Variants in OR51B5 observed in about 807,000 individuals in gnomAD.
OR51B5 encodes olfactory receptor 51B5.
For missense variants in OR51B5, 456 were observed against 374.6 expected, an observed-to-expected ratio of 1.22 and a Z score of -1.79; for synonymous variants, 186 against 144.8, an observed-to-expected ratio of 1.28 and a Z score of -2.04.
intron 1 of OR51B5, among the ~76,000 whole-genome samples, chr11:5,452,458 T>C (rs1468824755): frequency 4.7e-5 from 6 of 128,730 alleles, no homozygotes; most frequent in African/African-American, 1.2e-4. Flanking sequence ...TGAGCCGAGA[T>C]TGCACCACTG....
chr11:5,431,087 T>C (rs762009427), intron 1 of OR51B5: 4 of 439,692 alleles, frequency 9.1e-6, no homozygotes, highest in East Asian at 1.4e-4. Flanking sequence ...AGGACATTAG[T>C]GTGGCAATAG....
chr11:5,441,944 C>T (rs1850695382), intron 1 of OR51B5, among the ~76,000 whole-genome samples: 1 of 152,182 alleles, frequency 6.6e-6, no homozygotes, highest in African/African-American at 2.4e-5. Flanking sequence ...CTCCCAATCC[C>T]AATGGCTGCC....
intron 1 of OR51B5, among the ~76,000 whole-genome samples, chr11:5,353,283 CAG>C (rs1420344844): frequency 2.0e-5 from 3 of 152,014 alleles, no homozygotes; most frequent in South Asian, 2.1e-4. Flanking sequence ...AATTTGAAAA[CAG>C]AGATATAATT....
chr11:5,472,050 T>A (rs370307060), intron 1 of OR51B5, among the ~76,000 whole-genome samples: 1 of 152,126 alleles, frequency 6.6e-6, no homozygotes, highest in Admixed American at 6.6e-5. Context: ...TTATCCACCA[T>A]CTATGAGAAT....
intron 1 of OR51B5, among the ~76,000 whole-genome samples, chr11:5,465,365 C>A (rs539366831): frequency 1.2e-3 from 178 of 151,944 alleles, no homozygotes; most frequent in African/African-American, 4.1e-3. Context: ...TGATGGTGAG[C>A]ATTTTTTCAT....
At chr11:5,415,723 C>A (rs1850233329) in intron 1 of OR51B5, among the ~76,000 whole-genome samples, 1 of 151,892 alleles carries the variant, frequency 6.6e-6, no homozygotes, top group African/African-American at 2.4e-5. Context: ...AAGACTAAAC[C>A]AGGAAGAAGT....
At chr11:5,449,993 C>G (rs1332190801) in intron 1 of OR51B5, among the ~76,000 whole-genome samples, 1 of 152,144 alleles carries the variant, frequency 6.6e-6, no homozygotes, top group African/African-American at 2.4e-5. Context: ...GCCCCCATAA[C>G]AGCACCATAG....
At chr11:5,470,788 C>T (rs1851216982) in intron 1 of OR51B5, among the ~76,000 whole-genome samples, 2 of 152,186 alleles carry the variant, frequency 1.3e-5, no homozygotes, top group Admixed American at 6.5e-5. Flanking sequence ...CTCTCTCCAT[C>T]TCACTTCCAA....
At chr11:5,345,777 C>A (rs1035803518), upstream of OR51B5, 1 of 151,966 alleles carries the variant, frequency 6.6e-6, no homozygotes, top group African/African-American at 2.4e-5. Context: ...TCTTACCTTC[C>A]ACCCATAGAG....
chr11:5,464,062 G>A (rs1039215), intron 1 of OR51B5, among the ~76,000 whole-genome samples: 151,187 of 152,330 alleles, frequency 0.99, 75,033 homozygotes, highest in Middle Eastern at 1. Flanking sequence ...TTTTATGATG[G>A]AAAACAGACA....
chr11:5,408,894 A>T (rs1850101571), intron 1 of OR51B5, among the ~76,000 whole-genome samples: 1 of 152,116 alleles, frequency 6.6e-6, no homozygotes, highest in Admixed American at 6.6e-5. Context: ...CCTTCCTCAA[A>T]ATCACCAAAA....
chr11:5,449,522 G>A (rs553593114), intron 1 of OR51B5, among the ~76,000 whole-genome samples: 1 of 152,320 alleles, frequency 6.6e-6, no homozygotes, highest in East Asian at 1.9e-4. Flanking sequence ...AAAGGAGCAG[G>A]AAAGATCTCT....
chr11:5,494,100 T>A (rs1167521879), intron 1 of OR51B5, among the ~76,000 whole-genome samples: 1 of 152,182 alleles, frequency 6.6e-6, no homozygotes, highest in Non-Finnish European at 1.5e-5. Flanking sequence ...CATACAAGTA[T>A]TGCTAGCAAA....
chr11:5,383,571 C>G (rs1212064726), intron 1 of OR51B5, among the ~76,000 whole-genome samples: 1 of 152,158 alleles, frequency 6.6e-6, no homozygotes, highest in African/African-American at 2.4e-5. Context: ...GAATTGACTT[C>G]TTTATGAAAT....
intron 1 of OR51B5, among the ~76,000 whole-genome samples, chr11:5,413,845 T>C (rs1184640781): frequency 1.3e-5 from 2 of 151,608 alleles, no homozygotes; most frequent in East Asian, 1.9e-4. Context: ...TGCAACCAAG[T>C]TGGAAAACAC....
chr11:5,342,862 C>CT lies in OR51B5; in HGVS notation c.662dup (p.Thr222AspfsTer70). On this transcript the variant is annotated frameshift_variant, in exon 1 of 1. Transcript: ENST00000300773. LOFTEE classifies it low-confidence loss of function (END_TRUNC). ...CTCTGGAGGCAATGCTCAGGACAGT[C>CT]TTGAGTATCAACACATAGGAGATGA... is the stretch of plus-strand genomic sequence containing the variant. The CT allele has an allele frequency of 6.2e-7, 1 of 1,612,516 alleles. No homozygotes were observed. The highest frequency in any genetic ancestry group is 8.5e-7 in the Non-Finnish European group (1 of 1,178,636).
chr11:5,470,668 C>T (rs140671668), intron 1 of OR51B5, among the ~76,000 whole-genome samples: 67 of 152,280 alleles, frequency 4.4e-4, no homozygotes, highest in Non-Finnish European at 7.5e-4. Context: ...ATCTCATCAC[C>T]AGTCACCATC....
chr11:5,410,679 A>C (rs1374675757), intron 1 of OR51B5, among the ~76,000 whole-genome samples: 1 of 152,162 alleles, frequency 6.6e-6, no homozygotes, highest in Non-Finnish European at 1.5e-5. Context: ...ATAAGGCATC[A>C]TTATCCTAGG....
chr11:5,503,364 AT>A (rs1374053864), intron 1 of OR51B5, among the ~76,000 whole-genome samples: 8 of 152,358 alleles, frequency 5.3e-5, no homozygotes, highest in Admixed American at 1.3e-4. Flanking sequence ...CAATCAAAAA[AT>A]GTCACGTGTA....
Sources: allele counts gnomAD v4.1 joint callset (sites outside exome capture counted in the v4.1 genomes callset), GRCh38; gene constraint gnomAD v4.1.1; transcripts MANE v1.5; gene names NCBI Gene and HGNC (gene_info 2026-07-23, HGNC 2026-07-21).